Variants in ADAM17 observed in about 807,000 individuals in gnomAD.
The protein encoded by ADAM17 is ADAM metallopeptidase domain 17, also known as disintegrin and metalloproteinase domain-containing protein 17.
A neutral mutation model predicts 96.7 loss-of-function variants in ADAM17; 39 were observed. The ratio of observed to expected loss-of-function variants is 0.40; its 90% CI spans 0.31 to 0.53. The LOEUF is 0.53. Among genes scored for constraint, ADAM17 ranks in the 20% least tolerant of loss-of-function variants. The pLI is 0.44. For synonymous variants in ADAM17, 344 were observed against 359.2 expected (o/e 0.96, Z 0.48); for missense variants, 777 against 1,013.2 (o/e 0.77, Z 3.17).
intron 2 of ADAM17, among the ~76,000 whole-genome samples, chr2:9,542,650 A>G (rs774864658): frequency 1.3e-5 from 2 of 152,168 alleles, no homozygotes; most frequent in South Asian, 2.1e-4. Flanking sequence ...CACCTCTGCA[A>G]TATCTATTTA....
chr2:9,515,524 G>T (rs1387396402), intron 10 of ADAM17, among the ~76,000 whole-genome samples: 1 of 151,994 alleles, frequency 6.6e-6, no homozygotes, highest in Non-Finnish European at 1.5e-5. Context: ...ATCACCTGAG[G>T]TCAGGAGTTC....
At chr2:9,529,215 C>T (rs11682278) in intron 4 of ADAM17, among the ~76,000 whole-genome samples, 63,321 of 152,000 alleles carry the variant, frequency 0.42, 14,329 homozygotes, top group Middle Eastern at 0.61. Flanking sequence ...TTCGGGAGGC[C>T]GAGGCAGGTG....
At chr2:9,492,786 A>G (rs1196758096) in intron 17 of ADAM17, 112 bp downstream of exon 17, 3 of 827,920 alleles carry the variant, frequency 3.6e-6, no homozygotes, top group Non-Finnish European at 3.6e-6. Context: ...GCTATTGGAA[A>G]TATCAGGCCA....
chr2:9,545,375 C>A (rs958008220), intron 1 of ADAM17, among the ~76,000 whole-genome samples: 1 of 152,132 alleles, frequency 6.6e-6, no homozygotes, highest in Non-Finnish European at 1.5e-5. Context: ...TCAAGACCAG[C>A]CTGGCCAACA....
At chr2:9,524,394 G>T (rs937761603) in intron 6 of ADAM17, among the ~76,000 whole-genome samples, 6 of 152,100 alleles carry the variant, frequency 3.9e-5, no homozygotes, top group African/African-American at 1.4e-4. Context: ...GGAGGCTGAG[G>T]TGGGAAGATT....
intron 4 of ADAM17, among the ~76,000 whole-genome samples, chr2:9,532,411 T>C (rs1218034523): frequency 6.6e-6 from 1 of 152,154 alleles, no homozygotes; most frequent in African/African-American, 2.4e-5. Context: ...CAATAAACAT[T>C]ATTAATTTCA....
At position 9,522,489 on chromosome 2, in the gene ADAM17, T is replaced by C. The variant is rs1021949752; in HGVS notation, c.843+760A>G. On this transcript the variant is annotated intron_variant, in intron 7 of 18. Transcript: ENST00000310823. ...AAAGAGAATGAAAAGGGAAAAATAATTCTCTTAGTTTTATACAAGTAATAT... is the reference window on the plus strand; with the variant it reads ...AAAGAGAATGAAAAGGGAAAAATAACTCTCTTAGTTTTATACAAGTAATAT... The C allele has an allele frequency of 2.1e-5, 12 of 565,702 alleles. No homozygotes were observed. In the Admixed American group the frequency reaches 2.5e-4, roughly 12 times the overall value. The allele number at this position is 565,702 out of a possible 1,614,324, so 35.0% of individuals were successfully genotyped here. A position where few individuals can be genotyped will look rare whatever the true frequency, so the allele number is the denominator to read the frequency against.
At chr2:9,526,523 T>C (rs942425821) in intron 5 of ADAM17, among the ~76,000 whole-genome samples, 7 of 152,222 alleles carry the variant, frequency 4.6e-5, no homozygotes, top group African/African-American at 1.7e-4. Flanking sequence ...AGGCCGGGCA[T>C]GTTGGCTCAG....
intron 4 of ADAM17, among the ~76,000 whole-genome samples, chr2:9,532,193 T>C (rs1323479845): frequency 1.3e-5 from 2 of 152,358 alleles, no homozygotes; most frequent in South Asian, 2.1e-4. Context: ...TTAGTGCAGA[T>C]AGACAATGTT....
At chr2:9,505,130 C>G (rs757852331) in intron 12 of ADAM17, 36 bp downstream of exon 12, 3 of 1,610,196 alleles carry the variant, frequency 1.9e-6, no homozygotes, top group Non-Finnish European at 2.5e-6. Context: ...TCTTGTTATA[C>G]CAACTTCCCA....
At position 9,497,154 on chromosome 2, in the gene ADAM17, G is replaced by A. The variant is rs773721139; in HGVS notation, c.1743C>T (p.Phe581=). ...GKCKDGKCIP[F]CEREQQLESC... ...ACTCCAGCTGCTGTTCCCTCTCGCA[G>A]AAAGGGATGCATTTCCCATCCTTAC... is the stretch of plus-strand genomic sequence containing the variant. The change falls in exon 14 of 19, where the codon TTC becomes TTT. Residue 581 remains phenylalanine (F), a synonymous_variant. Transcript: ENST00000310823. The A allele has an allele frequency of 1.2e-6, 2 of 1,614,198 alleles. No homozygotes were observed. Among genetic ancestry groups the A allele is most frequent in the South Asian group, 1.1e-5 (1 of 91,084 alleles).
chr2:9,555,392 G>A (rs911166966), intron 1 of ADAM17, 117 bp downstream of exon 1: 3 of 830,500 alleles, frequency 3.6e-6, no homozygotes, highest in Non-Finnish European at 5.4e-6. Flanking sequence ...AAAACTTAGG[G>A]ACGCGCCACC....
rs141044091 is a variant in ADAM17, at chr2:9,532,693, G to A, written c.450+3141C>T. Among the ~76,000 whole-genome samples, 728 of 109,708 alleles carry A rather than the reference G, an allele frequency of 6.6e-3. 7 individuals are homozygous for A. Among genetic ancestry groups the A allele is most frequent in the African/African-American group, 0.025 (690 of 27,698 alleles). 72.0% of individuals were successfully genotyped at this position (109,708 alleles called of 152,430 possible). On this transcript the variant is annotated intron_variant, in intron 4 of 18. Transcript: ENST00000310823. Reference sequence around the variant, plus strand: ...AGTAGAGACAAGGTCTCCCTATATTGCCTGGGCTGGTCTCAAATTCCTGGG... The same window carrying A: ...AGTAGAGACAAGGTCTCCCTATATTACCTGGGCTGGTCTCAAATTCCTGGG...
At chr2:9,552,545 T>C (rs1451684788) in intron 1 of ADAM17, among the ~76,000 whole-genome samples, 1 of 152,196 alleles carries the variant, frequency 6.6e-6, no homozygotes, top group Admixed American at 6.5e-5. Context: ...AGCACTGCAA[T>C]ATGGAGAATC....
At chr2:9,496,002 T>C (rs1662567017) in intron 14 of ADAM17, among the ~76,000 whole-genome samples, 1 of 151,570 alleles carries the variant, frequency 6.6e-6, no homozygotes, top group Non-Finnish European at 1.5e-5. Context: ...CCTCAACCTA[T>C]CTTCTTTACC....
chr2:9,527,122 A>T (rs1352326416), intron 5 of ADAM17, among the ~76,000 whole-genome samples: 2 of 152,148 alleles, frequency 1.3e-5, no homozygotes, highest in Non-Finnish European at 2.9e-5. Flanking sequence ...CAGGAGTTTG[A>T]GAACAGCCTG....
intron 4 of ADAM17, among the ~76,000 whole-genome samples, chr2:9,533,720 C>T (rs1664843408): frequency 6.6e-6 from 1 of 152,118 alleles, no homozygotes; most frequent in Admixed American, 6.5e-5. Flanking sequence ...ATGTATTGAA[C>T]GGAAGGCCAT....
intron 17 of ADAM17, among the ~76,000 whole-genome samples, chr2:9,492,223 T>C (rs1420974521): frequency 2.0e-5 from 3 of 152,234 alleles, no homozygotes; most frequent in Non-Finnish European, 4.4e-5. Flanking sequence ...TGGGTGTGAC[T>C]TTCTCATCTC....
At chr2:9,502,506 T>C (rs1663066841) in intron 12 of ADAM17, among the ~76,000 whole-genome samples, 1 of 152,116 alleles carries the variant, frequency 6.6e-6, no homozygotes, top group African/African-American at 2.4e-5. Flanking sequence ...GAGAAAAGAA[T>C]GGGAACACAG....
Sources: gnomAD v4.1 joint callset for allele counts (sites outside exome capture counted in the v4.1 genomes callset) on GRCh38, gnomAD v4.1.1 for gene constraint, MANE v1.5 for transcripts, NCBI Gene and HGNC (gene_info 2026-07-23, HGNC 2026-07-21) for gene names.